The following SOX6 variants were observed in gnomAD, a reference collection of about 807,000 sequenced individuals.
SOX6 encodes the protein transcription factor SOX-6.
Under a neutral mutation model 97.8 loss-of-function variants are expected in SOX6, and 11 were observed. The observed-to-expected ratio is 0.11, with a 90% CI of 0.07 to 0.19. The LOEUF is 0.19. SOX6 is among the 10% of genes least tolerant of loss of function. The probability of loss-of-function intolerance (pLI) is 1.00; values close to 1 mark genes in which losing one functional copy is unlikely to be tolerated. For synonymous variants in SOX6, 360 were observed against 371.4 expected, an observed-to-expected ratio of 0.97 and a Z score of 0.35; for missense variants, 810 against 1,039.5, an observed-to-expected ratio of 0.78 and a Z score of 3.04.
chr11:16,503,242 C>G (rs537557939), intron 4 of SOX6, among the ~76,000 whole-genome samples: 57 of 149,738 alleles, frequency 3.8e-4, no homozygotes, highest in African/African-American at 1.4e-3. Context: ...GATAAGACAA[C>G]ATCTACCACC....
At chr11:16,198,894 C>T (rs1180214882) in intron 4 of SOX6, among the ~76,000 whole-genome samples, 4 of 152,046 alleles carry the variant, frequency 2.6e-5, no homozygotes, top group African/African-American at 4.8e-5. Context: ...ATAATTCTAC[C>T]GAGAAAACTG....
intron 4 of SOX6, among the ~76,000 whole-genome samples, chr11:16,582,270 T>C (rs1262466061): frequency 2.0e-5 from 3 of 152,184 alleles, no homozygotes; most frequent in Non-Finnish European, 4.4e-5. Flanking sequence ...CAATCTATCT[T>C]CATGTGTATC....
upstream of SOX6, among the ~76,000 whole-genome samples, chr11:16,359,245 T>A (rs581210): frequency 0.87 from 131,986 of 152,028 alleles, 57,736 homozygotes; most frequent in Non-Finnish European, 0.92. Context: ...GGGCTGAGAC[T>A]TATAAAAGAA....
chr11:16,635,329 G>A (rs1271365932), intron 3 of SOX6, among the ~76,000 whole-genome samples: 1 of 152,224 alleles, frequency 6.6e-6, no homozygotes, highest in Non-Finnish European at 1.5e-5. Flanking sequence ...TCCAGGCTGA[G>A]GTGGCCTCAG....
At chr11:16,260,410 C>T (rs960086484) in intron 3 of SOX6, among the ~76,000 whole-genome samples, 1 of 152,088 alleles carries the variant, frequency 6.6e-6, no homozygotes, top group African/African-American at 2.4e-5. Context: ...TTTAAAGTTA[C>T]TTCCCCATTT....
intron 3 of SOX6, among the ~76,000 whole-genome samples, chr11:16,250,285 TG>T (rs67910316): frequency 0.78 from 117,602 of 151,414 alleles, 45,809 homozygotes; most frequent in Non-Finnish European, 0.8. Context: ...GCCACGGCCT[TG>T]CCTTTTTTAG....
At chr11:15,979,685 G>A (rs1027879107) in intron 15 of SOX6, among the ~76,000 whole-genome samples, 2 of 151,876 alleles carry the variant, frequency 1.3e-5, no homozygotes, top group Non-Finnish European at 2.9e-5. Context: ...GCACAATCTC[G>A]CCTCAAAACC....
intron 3 of SOX6, among the ~76,000 whole-genome samples, chr11:16,671,673 G>T (rs940306070): frequency 6.6e-6 from 1 of 152,146 alleles, no homozygotes; most frequent in African/African-American, 2.4e-5. Context: ...TCTACTAATC[G>T]TTGGCATCCC....
chr11:16,117,319 C>T (rs1395650689), intron 6 of SOX6, among the ~76,000 whole-genome samples: 2 of 152,110 alleles, frequency 1.3e-5, no homozygotes, highest in Non-Finnish European at 2.9e-5. Flanking sequence ...TGCCACCGCA[C>T]TCCAGCCTGG....
intron 3 of SOX6, among the ~76,000 whole-genome samples, chr11:16,638,889 A>G (rs1848841955): frequency 1.3e-5 from 2 of 152,144 alleles, no homozygotes; most frequent in Admixed American, 1.3e-4. Context: ...CTCTGATGGT[A>G]GTTTCTTTTC....
intron 10 of SOX6, among the ~76,000 whole-genome samples, chr11:16,054,605 C>G (rs2133919644): frequency 6.6e-6 from 1 of 152,182 alleles, no homozygotes; most frequent in African/African-American, 2.4e-5. Flanking sequence ...TCAAAATTCC[C>G]ATATGCAAAT....
intron 10 of SOX6, among the ~76,000 whole-genome samples, chr11:16,055,080 T>G (rs1847780214): frequency 6.6e-6 from 1 of 152,142 alleles, no homozygotes; most frequent in Non-Finnish European, 1.5e-5. Context: ...ACTCATTCCT[T>G]AAAGCCCACA....
chr11:16,290,082 G>A (rs1241061537), intron 3 of SOX6, among the ~76,000 whole-genome samples: 4 of 151,742 alleles, frequency 2.6e-5, no homozygotes, highest in African/African-American at 4.8e-5. Flanking sequence ...TACTTGTTTC[G>A]GTTACTACCC....
At chr11:16,061,691 T>C (rs537633716) in intron 9 of SOX6, among the ~76,000 whole-genome samples, 2 of 151,706 alleles carry the variant, frequency 1.3e-5, no homozygotes, top group East Asian at 1.9e-4. Flanking sequence ...TGTGTAAAAA[T>C]AGACACGTAG....
At chr11:16,293,357 G>A (rs1378820244) in intron 3 of SOX6, among the ~76,000 whole-genome samples, 5 of 152,158 alleles carry the variant, frequency 3.3e-5, no homozygotes, top group African/African-American at 1.2e-4. Context: ...ATTACAGATA[G>A]ATGAGAAAAG....
In SOX6 at chr11:16,013,832, G is replaced by A. The variant is rs139559953; in HGVS notation, c.1732+1110C>T. Reference sequence around the variant, plus strand: ...GAGTCCTCATTCCAGGGATTTCTGGGCTGCCTGGGATGGCCCCAGGCTCTC... The same window carrying A: ...GAGTCCTCATTCCAGGGATTTCTGGACTGCCTGGGATGGCCCCAGGCTCTC... On this transcript the variant is annotated intron_variant, in intron 13 of 15. Transcript: ENST00000683767. Among the ~76,000 whole-genome samples, 795 of 151,936 alleles carry A rather than the reference G, an allele frequency of 5.2e-3. 7 individuals are homozygous for A. Among genetic ancestry groups the A allele is most frequent in the Middle Eastern group, 0.01 (3 of 294 alleles).
chr11:16,434,467 A>G (rs967601200), intron 1 of SOX6: 2 of 152,198 alleles, frequency 1.3e-5, no homozygotes. Flanking sequence ...CTACTCTTCT[A>G]CTAATACCTG....
intron 3 of SOX6, among the ~76,000 whole-genome samples, chr11:16,259,770 G>T (rs1853818503): frequency 6.6e-6 from 1 of 152,052 alleles, no homozygotes; most frequent in Admixed American, 6.6e-5. Flanking sequence ...GGTTATGATT[G>T]GGAGGGAGGA....
chr11:16,164,755 G>A (rs920087132), intron 6 of SOX6, among the ~76,000 whole-genome samples: 3 of 150,554 alleles, frequency 2.0e-5, no homozygotes, highest in Admixed American at 6.6e-5. Flanking sequence ...CCTGGGAGGC[G>A]AAAGGTGGTG....
Sources: allele counts gnomAD v4.1 joint callset (sites outside exome capture counted in the v4.1 genomes callset), GRCh38; gene constraint gnomAD v4.1.1; transcripts MANE v1.5; gene names NCBI Gene and HGNC (gene_info 2026-07-23, HGNC 2026-07-21).